Variants in NBAS observed in about 807,000 individuals in gnomAD.
NBAS encodes the protein NAG/BC035112 fusion.
A neutral mutation model predicts 302.5 loss-of-function variants in NBAS; 219 were observed. The observed-to-expected ratio is 0.72, with a 90% CI of 0.65 to 0.81. The LOEUF is 0.81. NBAS is among the 30% of genes least tolerant of loss of function. The pLI, the probability that NBAS is intolerant of heterozygous loss-of-function variation, is 0.00. For missense variants in NBAS, 2,932 were observed against 2,841.6 expected, an observed-to-expected ratio of 1.03 and a Z score of -0.72; for synonymous variants, 1,118 against 1,021.6, an observed-to-expected ratio of 1.09 and a Z score of -1.80.
the NBAS span, among the ~76,000 whole-genome samples, chr2:15,051,109 G>A: frequency 6.6e-6 from 1 of 151,792 alleles, no homozygotes; most frequent in African/African-American, 2.4e-5. Context: ...TGTTCAATAA[G>A]TGAATGAGAG....
At chr2:15,402,420 G>T in intron 25 of NBAS, 119 bp from the exon 26 acceptor site, 1 of 995,784 alleles carries the variant, frequency 1.0e-6, no homozygotes, top group Non-Finnish European at 1.5e-6. Context: ...ATAGAAACAA[G>T]TCTTGATTTT....
At chr2:15,357,233 G>GT (rs1673663993) in intron 32 of NBAS, among the ~76,000 whole-genome samples, 1 of 152,090 alleles carries the variant, frequency 6.6e-6, no homozygotes, top group South Asian at 2.1e-4. Flanking sequence ...CAACTCAATG[G>GT]AAACAGTAAA....
At chr2:15,456,037 C>T (rs933909577) in intron 21 of NBAS, among the ~76,000 whole-genome samples, 1 of 152,018 alleles carries the variant, frequency 6.6e-6, no homozygotes, top group Non-Finnish European at 1.5e-5. Flanking sequence ...TTAAAACAGC[C>T]AACTAGAATA....
At chr2:14,956,167 G>A in the NBAS span, among the ~76,000 whole-genome samples, 1 of 152,184 alleles carries the variant, frequency 6.6e-6, no homozygotes, top group Non-Finnish European at 1.5e-5. Flanking sequence ...AAAAGCAAGA[G>A]TCACTTTTAT....
intron 42 of NBAS, among the ~76,000 whole-genome samples, chr2:15,284,483 C>T (rs1314602006): frequency 6.6e-6 from 1 of 152,162 alleles, no homozygotes; most frequent in Non-Finnish European, 1.5e-5. Flanking sequence ...TCACCCAACC[C>T]TCTCTGTGTA....
chr2:15,552,444 C>T (rs1664426280), intron 5 of NBAS, among the ~76,000 whole-genome samples: 1 of 152,156 alleles, frequency 6.6e-6, no homozygotes, highest in African/African-American at 2.4e-5. Context: ...CTCCTCAGCC[C>T]ACTCCATGTG....
the NBAS span, among the ~76,000 whole-genome samples, chr2:14,832,940 A>G: frequency 6.6e-6 from 1 of 152,188 alleles, no homozygotes. Flanking sequence ...CTCGTTGGAT[A>G]GTTATGACTC....
chr2:15,242,541 A>G (rs1170790772), intron 44 of NBAS, among the ~76,000 whole-genome samples: 1 of 152,102 alleles, frequency 6.6e-6, no homozygotes, highest in African/African-American at 2.4e-5. Context: ...TATATGTTTA[A>G]CACTGAATTT....
chr2:15,305,879 A>C (rs1671013939), intron 40 of NBAS, among the ~76,000 whole-genome samples: 1 of 152,216 alleles, frequency 6.6e-6, no homozygotes, highest in African/African-American at 2.4e-5. Context: ...GGAATGGAAG[A>C]GTGAGATCTA....
At chr2:15,151,984 A>T in the NBAS span, among the ~76,000 whole-genome samples, 1 of 152,092 alleles carries the variant, frequency 6.6e-6, no homozygotes, top group Non-Finnish European at 1.5e-5. Context: ...AGTAGCTGGG[A>T]CTACAGGCAG....
At chr2:15,548,274 T>C (rs1664212824) in intron 6 of NBAS, among the ~76,000 whole-genome samples, 1 of 152,134 alleles carries the variant, frequency 6.6e-6, no homozygotes, top group Non-Finnish European at 1.5e-5. Context: ...AAAAGTTATA[T>C]TGGGTGAGAT....
chr2:14,936,779 CTGCCA>C, the NBAS span, among the ~76,000 whole-genome samples: 1 of 152,144 alleles, frequency 6.6e-6, no homozygotes, highest in Non-Finnish European at 1.5e-5. Flanking sequence ...AGAGAGAAAC[CTGCCA>C]TGCAGTAGGC....
At chr2:15,342,423 C>T (rs780152611) in intron 35 of NBAS, among the ~76,000 whole-genome samples, 8 of 151,978 alleles carry the variant, frequency 5.3e-5, no homozygotes, top group Admixed American at 1.3e-4. Context: ...TGACACATAC[C>T]AGTATTACAT....
At chr2:15,011,675 T>A in the NBAS span, among the ~76,000 whole-genome samples, 1 of 152,106 alleles carries the variant, frequency 6.6e-6, no homozygotes, top group African/African-American at 2.4e-5. Flanking sequence ...AGACCCCATA[T>A]TGGCCAATCC....
the NBAS span, among the ~76,000 whole-genome samples, chr2:14,804,768 G>C: frequency 6.6e-6 from 1 of 152,184 alleles, no homozygotes; most frequent in Non-Finnish European, 1.5e-5. Flanking sequence ...AAATAATTCA[G>C]ATAGGTGTAT....
intron 32 of NBAS, among the ~76,000 whole-genome samples, chr2:15,361,871 T>C (rs1222582789): frequency 1.3e-5 from 2 of 151,864 alleles, no homozygotes; most frequent in African/African-American, 2.4e-5. Context: ...TCCCAGCTAC[T>C]TGGGAAGCTG....
At chr2:15,178,092 T>A (rs1664635763) in intron 51 of NBAS, 3 of 468,338 alleles carry the variant, frequency 6.4e-6, no homozygotes, top group Non-Finnish European at 1.3e-5. Flanking sequence ...CTCTTCACTG[T>A]CTTGAGTAGC....
At chr2:15,060,533 G>A in the NBAS span, among the ~76,000 whole-genome samples, 17 of 152,174 alleles carry the variant, frequency 1.1e-4, no homozygotes, top group African/African-American at 2.9e-4. Flanking sequence ...CAAGCTAGGC[G>A]CACACAGGGC....
At chr2:14,851,377 C>T in the NBAS span, among the ~76,000 whole-genome samples, 3 of 152,002 alleles carry the variant, frequency 2.0e-5, no homozygotes, top group East Asian at 1.9e-4. Context: ...AAGACTAAAC[C>T]AGGAAGAAGT....
Sources: allele counts gnomAD v4.1 joint callset (sites outside exome capture counted in the v4.1 genomes callset), GRCh38; gene constraint gnomAD v4.1.1; transcripts MANE v1.5; gene names NCBI Gene and HGNC (gene_info 2026-07-23, HGNC 2026-07-21).